TOX3: variants seen among roughly 807,000 people sequenced by gnomAD.
The protein encoded by TOX3 is TOX high mobility group box family member 3, also known as CAG trinucleotide repeat-containing gene F9 protein.
In TOX3, 22 loss-of-function variants were observed where a neutral mutation model predicts 64.3. The observed-to-expected ratio is 0.34, with a 90% confidence interval of 0.24 to 0.49. TOX3 has a LOEUF of 0.49. TOX3 is among the 20% of genes least tolerant of loss of function. TOX3 has a pLI of 0.99. For synonymous variants in TOX3, 291 were observed against 273.6 expected (o/e 1.06, Z -0.63); for missense variants, 661 against 714.4 (o/e 0.93, Z 0.85).
At position 52,439,942 on chromosome 16, in the gene TOX3, C is replaced by G; in HGVS notation, c.1014G>C (p.Gln338His). Residue 338 changes from glutamine (Q) to histidine (H), a missense_variant, in exon 7 of 7, where the codon CAG becomes CAC. By Grantham distance (24) the Gln-to-His change is conservative. Coordinates refer to ENST00000219746, the MANE Select transcript of TOX3 (RefSeq NM_001080430.4). ...SKAAAESAEA[Q>H]TIRSVQQTLA... is the part of the protein sequence containing the mutation. ...GGGTCTGCTGAACAGAACGGATGGT[C>G]TGGGCTTCTGCTGACTCAGCAGCAG... is the stretch of plus-strand genomic sequence containing the variant. 8 of 1,574,510 alleles carry G rather than the reference C, an allele frequency of 5.1e-6. No individual in the cohort carries two copies. Among genetic ancestry groups the G allele is most frequent in the Non-Finnish European group, 6.9e-6 (8 of 1,158,166 alleles).
rs1273663377 is a variant in TOX3, at chr16:52,481,137, T to C, written c.88-12563A>G. 4.6e-5 allele frequency among the ~76,000 whole-genome samples: 7 copies of C among 152,322 alleles called. No individual in the cohort carries two copies. In the Middle Eastern group the frequency reaches 0.014, roughly 296 times the overall value. Reference sequence around the variant, plus strand: ...GTATTTTACAATAAATATTACAGAATCATTGCTTCTACACTATCCAAATAC... The same window carrying C: ...GTATTTTACAATAAATATTACAGAACCATTGCTTCTACACTATCCAAATAC... On this transcript the variant is annotated intron_variant, in intron 1 of 6. Coordinates refer to ENST00000219746, the MANE Select transcript of TOX3 (RefSeq NM_001080430.4).
intron 1 of TOX3, among the ~76,000 whole-genome samples, chr16:52,538,236 A>T (rs962556608): frequency 6.6e-6 from 1 of 152,176 alleles, no homozygotes; most frequent in Admixed American, 6.6e-5. Flanking sequence ...TCTAGATTTA[A>T]CTCATCCCCT....
rs969462101 is a variant in TOX3, at chr16:52,450,408, T to A, written c.547A>T (p.Ser183Cys). 2 of 1,613,854 alleles carry A rather than the reference T, an allele frequency of 1.2e-6. No homozygotes were observed. The highest frequency in any genetic ancestry group is 2.7e-5 in the African/African-American group (2 of 74,920). The change falls in exon 4 of 7, where the codon AGC becomes TGC. Residue 183 changes from serine (S) to cysteine (C), a missense_variant. Ser to Cys is a moderately radical substitution (Grantham distance 112). Around this residue, in one of 3 missense-constraint regions of TOX3, gnomAD observed 259 missense variants for 261.2 expected, o/e 0.99. Transcript: ENST00000219746. ...CCCAAATTCAACCCCAACTGGGCGC[T>A]GAGCTGAGACTGGTTGATGGTGGTG... is the stretch of plus-strand genomic sequence containing the variant. ...QLTTINQSQLSAQLGLNLGGA... is the reference protein window; with the variant it reads ...QLTTINQSQLCAQLGLNLGGA...
At chr16:52,478,186 C>T (rs1419461535) in intron 1 of TOX3, among the ~76,000 whole-genome samples, 1 of 152,164 alleles carries the variant, frequency 6.6e-6, no homozygotes, top group African/African-American at 2.4e-5. Flanking sequence ...AATTCAAACT[C>T]CTTGCCATGG....
chr16:52,505,851 C>G (rs928951936), intron 1 of TOX3, among the ~76,000 whole-genome samples: 2 of 152,068 alleles, frequency 1.3e-5, no homozygotes, highest in African/African-American at 4.8e-5. Context: ...TGGCACATGC[C>G]TGTAGTCCCA....
chr16:52,538,984 C>G (rs1028459885), intron 1 of TOX3, among the ~76,000 whole-genome samples: 6 of 151,772 alleles, frequency 4.0e-5, no homozygotes, highest in Non-Finnish European at 8.8e-5. Context: ...TTTTTTAGAG[C>G]ACTAATTCCA....
intron 1 of TOX3, among the ~76,000 whole-genome samples, chr16:52,498,584 G>C (rs1961914329): frequency 6.6e-6 from 1 of 151,948 alleles, no homozygotes; most frequent in African/African-American, 2.4e-5. Flanking sequence ...AACCTTTGTG[G>C]GGTTGGGGGG....
At chr16:52,452,552 A>T (rs1338187552) in intron 3 of TOX3, among the ~76,000 whole-genome samples, 2 of 151,974 alleles carry the variant, frequency 1.3e-5, no homozygotes, top group African/African-American at 4.8e-5. Flanking sequence ...ATGGGGAGGG[A>T]TAGCATTAGG....
chr16:52,451,471 G>T (rs1960344480), intron 3 of TOX3, among the ~76,000 whole-genome samples: 1 of 151,706 alleles, frequency 6.6e-6, no homozygotes. Context: ...TAATTCCAAA[G>T]AATCAAAAAA....
At position 52,464,160 on chromosome 16, in the gene TOX3, T is replaced by A. The variant is rs760851348; in HGVS notation, c.182A>T (p.Asp61Val). Reference protein sequence around the residue: ...EQTFHTPSLGDEEFEIPPITP... With the variant: ...EQTFHTPSLGVEEFEIPPITP... ...GATTGGTGGAATTTCGAATTCCTCG[T>A]CCCCAAGGCTTGGTGTGTGGAATGT... The change falls in exon 3 of 7, where the codon GAC (aspartate) becomes GTC (valine). Residue 61 changes from aspartate (D) to valine (V), a missense_variant. Asp to Val is a radical substitution (Grantham distance 152). Coordinates refer to ENST00000219746, the MANE Select transcript of TOX3 (RefSeq NM_001080430.4). 6.4e-7 allele frequency: 1 copy of A among 1,571,584 alleles called. No individual in the cohort carries two copies. The highest frequency in any genetic ancestry group is 8.6e-7 in the Non-Finnish European group (1 of 1,157,414).
intron 1 of TOX3, among the ~76,000 whole-genome samples, chr16:52,518,559 A>G (rs1429778555): frequency 6.6e-6 from 1 of 152,206 alleles, no homozygotes; most frequent in African/African-American, 2.4e-5. Flanking sequence ...CGTCTTCTCT[A>G]TATTGTTGCT....
At chr16:52,514,024 T>C (rs1268604590) in intron 1 of TOX3, among the ~76,000 whole-genome samples, 1 of 152,224 alleles carries the variant, frequency 6.6e-6, no homozygotes, top group Non-Finnish European at 1.5e-5. Flanking sequence ...AAAGAAGTAT[T>C]CTGGGTTTCA....
intron 1 of TOX3, among the ~76,000 whole-genome samples, chr16:52,514,125 A>G (rs12443621): frequency 0.48 from 72,807 of 152,020 alleles, 17,616 homozygotes; most frequent in Middle Eastern, 0.59. Flanking sequence ...AGGCCTGGCA[A>G]TGAACTTGAG....
intron 1 of TOX3, among the ~76,000 whole-genome samples, chr16:52,536,965 T>C (rs1458517695): frequency 3.3e-5 from 5 of 151,762 alleles, no homozygotes; most frequent in African/African-American, 1.2e-4. Flanking sequence ...CACAAAGAAA[T>C]AGTTACCAAG....
intron 1 of TOX3, among the ~76,000 whole-genome samples, chr16:52,520,627 T>A (rs139115591): frequency 1.3e-4 from 20 of 152,350 alleles, no homozygotes; most frequent in Admixed American, 3.3e-4. Flanking sequence ...ATTAGGAAAG[T>A]AATATGGTGC....
chr16:52,505,784 C>T (rs1962144408), intron 1 of TOX3, among the ~76,000 whole-genome samples: 1 of 152,122 alleles, frequency 6.6e-6, no homozygotes. Context: ...CAAGACCAGC[C>T]TGGGCAACAT....
chr16:52,449,697 T>C (rs1960275852), intron 4 of TOX3, among the ~76,000 whole-genome samples: 2 of 152,284 alleles, frequency 1.3e-5, no homozygotes. Flanking sequence ...TATGTACTAT[T>C]ACAGTACTCT....
Position 52,546,667 on chromosome 16 carries a change from C to A in TOX3, c.57G>T (p.Ala19=), listed in dbSNP as rs1423735516. Residue 19 remains alanine (A), a synonymous_variant, in exon 1 of 7, where the codon GCG becomes GCT. Transcript: ENST00000219746. ...AAGDPASLDF[A]QCLGYYGYSK... is the part of the protein sequence containing the mutation. The stretch of plus-strand genomic sequence containing the variant: ...TGTAGCCGTAGTACCCCAGGCACTG[C>A]GCGAAGTCCAGGCTGGCAGGGTCCC... The A allele has an allele frequency of 3.2e-6, 5 of 1,544,066 alleles. No individual in the cohort carries two copies. The highest frequency in any genetic ancestry group is 1.2e-5 in the South Asian group (1 of 84,058).
intron 1 of TOX3, among the ~76,000 whole-genome samples, chr16:52,481,431 T>C (rs540493756): frequency 6.6e-6 from 1 of 152,338 alleles, no homozygotes; most frequent in Admixed American, 6.5e-5. Flanking sequence ...TTAAGTATTA[T>C]AAGGGACTGA....
Sources: allele counts gnomAD v4.1 joint callset (sites outside exome capture counted in the v4.1 genomes callset), GRCh38; gene constraint gnomAD v4.1.1; regional missense constraint gnomAD v4.1.1; transcripts MANE v1.5; gene names NCBI Gene and HGNC (gene_info 2026-07-23, HGNC 2026-07-21).